Variants in PAGE2B observed in about 807,000 individuals in gnomAD.
PAGE2B encodes PAGE family member 2B.
PAGE2B carries 5 observed loss-of-function variants against 7.6 expected under a neutral mutation model. The ratio of observed to expected loss-of-function variants is 0.66; its 90% CI spans 0.34 to 1.38. PAGE2B has a LOEUF of 1.38. Among genes scored for constraint, PAGE2B ranks in the 40% most tolerant of loss-of-function variants. The pLI is 0.04. For missense variants in PAGE2B, 70 were observed against 78.4 expected (o/e 0.89, Z 0.41); for synonymous variants, 29 against 26.7 (o/e 1.09, Z -0.27).
At chrX:55,058,705 T>C in the PAGE2B span, among the ~76,000 whole-genome samples, 1 of 111,486 alleles carries the variant, frequency 9.0e-6, no homozygotes, top group Admixed American at 9.6e-5. Flanking sequence ...TTGATGTAGA[T>C]ACTATTACTA....
At chrX:55,076,370 ATATGTATG>A (rs759691610) in intron 2 of PAGE2B, among the ~76,000 whole-genome samples, 191 bp from the exon 3 acceptor site, 17 of 106,218 alleles carry the variant, frequency 1.6e-4, no homozygotes, top group African/African-American at 3.2e-4. Context: ...ATATATGTAT[ATATGTATG>A]TATGTATGTA....
At chrX:55,048,318 G>C in the PAGE2B span, among the ~76,000 whole-genome samples, 5 of 111,909 alleles carry the variant, frequency 4.5e-5, no homozygotes, top group Non-Finnish European at 9.4e-5. Context: ...GAACTTTAAA[G>C]TAGTTTTTTC....
At chrX:55,046,295 G>A in the PAGE2B span, among the ~76,000 whole-genome samples, 1 of 110,269 alleles carries the variant, frequency 9.1e-6, no homozygotes, top group Non-Finnish European at 1.9e-5. Context: ...TATATTTTTA[G>A]TAGAGACGGA....
chrX:55,070,409 T>C (rs1252745649), upstream of PAGE2B, among the ~76,000 whole-genome samples: 1 of 111,861 alleles, frequency 8.9e-6, no homozygotes, highest in Non-Finnish European at 1.9e-5. Flanking sequence ...GACTGTTTGT[T>C]ATATCTGTTC....
chrX:55,051,495 G>T, the PAGE2B span, among the ~76,000 whole-genome samples: 4 of 111,670 alleles, frequency 3.6e-5, no homozygotes, highest in Non-Finnish European at 7.5e-5. Flanking sequence ...TTTCTTGGAG[G>T]CTTTGTTCAT....
the PAGE2B span, among the ~76,000 whole-genome samples, chrX:55,069,623 A>T: frequency 9.0e-6 from 1 of 111,545 alleles, no homozygotes; most frequent in Admixed American, 9.5e-5. Context: ...GAATGGTACC[A>T]GCTCCTCTTT....
chrX:55,062,320 A>G, the PAGE2B span, among the ~76,000 whole-genome samples: 2 of 111,626 alleles, frequency 1.8e-5, no homozygotes, highest in African/African-American at 6.5e-5. Flanking sequence ...ATCTCATTGT[A>G]GCTTTAATAT....
the PAGE2B span, among the ~76,000 whole-genome samples, chrX:55,041,975 A>G: frequency 8.9e-6 from 1 of 111,810 alleles, no homozygotes; most frequent in South Asian, 3.8e-4. Context: ...AGTTGAAAAC[A>G]TTACCCTGAG....
the PAGE2B span, among the ~76,000 whole-genome samples, chrX:55,031,314 G>T: frequency 9.0e-6 from 1 of 111,524 alleles, no homozygotes; most frequent in Non-Finnish European, 1.9e-5. Flanking sequence ...AGAAGTGACT[G>T]TGGCACAAGT....
chrX:55,052,191 C>T, the PAGE2B span, among the ~76,000 whole-genome samples: 7 of 111,672 alleles, frequency 6.3e-5, no homozygotes, highest in Non-Finnish European at 9.4e-5. Flanking sequence ...GAGGAGTACC[C>T]GGCCGTGTGA....
At chrX:55,036,631 C>A in the PAGE2B span, among the ~76,000 whole-genome samples, 1 of 111,058 alleles carries the variant, frequency 9.0e-6, no homozygotes, top group South Asian at 3.8e-4. Flanking sequence ...GGAAGCATCA[C>A]GCTACCTGAC....
the PAGE2B span, among the ~76,000 whole-genome samples, chrX:55,062,775 G>A: frequency 6.3e-5 from 7 of 111,594 alleles, no homozygotes; most frequent in Non-Finnish European, 1.1e-4. Context: ...TTTGATTTTT[G>A]TATATGGTGA....
chrX:55,047,706 C>T, the PAGE2B span, among the ~76,000 whole-genome samples: 2 of 111,879 alleles, frequency 1.8e-5, no homozygotes, highest in Admixed American at 1.9e-4. Flanking sequence ...TTTGGCTGCA[C>T]AAATGTCTTC....
chrX:55,072,286 G>T (rs1384252986), upstream of PAGE2B, among the ~76,000 whole-genome samples: 5 of 112,407 alleles, frequency 4.4e-5, no homozygotes, highest in Admixed American at 4.7e-4. Flanking sequence ...TGATGTTGAT[G>T]TTATTGCTTT....
intron 3 of PAGE2B, 147 bp downstream of exon 3, chrX:55,076,824 A>G (rs943042505): frequency 2.4e-5 from 14 of 591,566 alleles, no homozygotes; most frequent in African/African-American, 2.0e-4. Flanking sequence ...GGGGTGGGAC[A>G]AGGACGCATA....
chrX:55,064,394 A>G, the PAGE2B span, among the ~76,000 whole-genome samples: 1 of 111,368 alleles, frequency 9.0e-6, no homozygotes, highest in Non-Finnish European at 1.9e-5. Context: ...TATCAGTTGT[A>G]ATGTCTCCCT....
the PAGE2B span, among the ~76,000 whole-genome samples, chrX:55,068,378 G>T: frequency 1.8e-5 from 2 of 111,535 alleles, no homozygotes; most frequent in Non-Finnish European, 3.8e-5. Context: ...TGAGGCCTCT[G>T]TTCTGTTGCA....
the PAGE2B span, among the ~76,000 whole-genome samples, chrX:55,047,433 A>G: frequency 8.9e-6 from 1 of 111,732 alleles, no homozygotes; most frequent in East Asian, 2.8e-4. Flanking sequence ...GTATATACCC[A>G]GTAATGGGAT....
the PAGE2B span, among the ~76,000 whole-genome samples, chrX:55,038,121 T>C: frequency 9.1e-6 from 1 of 109,594 alleles, no homozygotes; most frequent in African/African-American, 3.3e-5. Flanking sequence ...ATCCACATCC[T>C]CCCCTATCCC....
Sources: gnomAD v4.1 joint callset for allele counts (sites outside exome capture counted in the v4.1 genomes callset) on GRCh38, gnomAD v4.1.1 for gene constraint, MANE v1.5 for transcripts, NCBI Gene and HGNC (gene_info 2026-07-23, HGNC 2026-07-21) for gene names.